Variants in PXDC1 observed in about 807,000 individuals in gnomAD.
PXDC1 encodes PX domain-containing protein 1.
A neutral mutation model predicts 24.4 loss-of-function variants in PXDC1; 13 were observed. That is an observed-to-expected ratio of 0.53 (90% CI 0.35 to 0.85). The LOEUF (loss-of-function observed/expected upper bound fraction) is 0.85. Ranked by LOEUF, PXDC1 falls within the 40% of genes least tolerant of loss-of-function variation. The pLI, the probability that PXDC1 is intolerant of heterozygous loss-of-function variation, is 0.01. For missense variants in PXDC1, 344 were observed against 309.3 expected, an observed-to-expected ratio of 1.11 and a Z score of -0.84; for synonymous variants, 162 against 124.9, an observed-to-expected ratio of 1.30 and a Z score of -1.98.
chr6:3,723,318 T>C lies in PXDC1; in HGVS notation c.*301A>G. ...GTGAGAGCGAGCCCCACAGGAACTG[T>C]CCCTGCCCTGGCAGTGCGCAGCCCT... is the stretch of plus-strand genomic sequence containing the variant. On this transcript the variant is annotated 3_prime_UTR_variant, in exon 5 of 5. Transcript: ENST00000380283. The C allele has an allele frequency of 2.5e-6, 1 of 397,188 alleles. No individual in the cohort carries two copies. Among genetic ancestry groups the C allele is most frequent in the Non-Finnish European group, 4.6e-6 (1 of 217,096 alleles). The allele number at this position is 397,188 out of a possible 1,614,324, so 24.6% of individuals were successfully genotyped here.
chr6:3,731,116 C>T (rs1376666402), intron 3 of PXDC1, among the ~76,000 whole-genome samples: 1 of 152,158 alleles, frequency 6.6e-6, no homozygotes, highest in Admixed American at 6.5e-5. Flanking sequence ...TGGGCTACCC[C>T]TATTTAGTAA....
At chr6:3,738,551 C>T (rs1287025228) in intron 1 of PXDC1, among the ~76,000 whole-genome samples, 1 of 152,216 alleles carries the variant, frequency 6.6e-6, no homozygotes, top group East Asian at 1.9e-4. Flanking sequence ...CCCCCAGTGA[C>T]ACAGGGAAGG....
intron 1 of PXDC1, 126 bp from the exon 2 acceptor site, chr6:3,738,274 C>T: frequency 1.3e-6 from 1 of 746,646 alleles, no homozygotes; most frequent in Non-Finnish European, 2.3e-6. Flanking sequence ...CGGGAACATT[C>T]ATTCAGCCTT....
At chr6:3,733,512 G>A (rs1224654024) in intron 3 of PXDC1, among the ~76,000 whole-genome samples, 2 of 152,154 alleles carry the variant, frequency 1.3e-5, no homozygotes, top group East Asian at 1.9e-4. Context: ...AGTGAGGGGC[G>A]AGCTAGACCG....
At chr6:3,734,015 G>A (rs1760260629) in intron 3 of PXDC1, among the ~76,000 whole-genome samples, 1 of 152,162 alleles carries the variant, frequency 6.6e-6, no homozygotes, top group South Asian at 2.1e-4. Context: ...CAGGACCCCT[G>A]CCTTCCTAGA....
intron 1 of PXDC1, among the ~76,000 whole-genome samples, chr6:3,750,524 A>G (rs1581255147): frequency 6.6e-6 from 1 of 151,168 alleles, no homozygotes; most frequent in South Asian, 2.1e-4. Context: ...CCCGGCTTCC[A>G]CCCCCTCAGC....
intron 3 of PXDC1, among the ~76,000 whole-genome samples, chr6:3,733,155 G>A (rs911912020): frequency 2.0e-5 from 3 of 152,198 alleles, no homozygotes; most frequent in African/African-American, 4.8e-5. Flanking sequence ...AGAGGTCAGA[G>A]CTTTGGGATG....
intron 1 of PXDC1, among the ~76,000 whole-genome samples, chr6:3,744,984 G>A (rs1191021287): frequency 1.3e-5 from 2 of 152,236 alleles, no homozygotes; most frequent in Non-Finnish European, 2.9e-5. Context: ...ACAGGCGTGA[G>A]CCACCGCGGC....
chr6:3,724,640 T>C lies in PXDC1; in HGVS notation c.579-904A>G, dbSNP rs527705975. 3.7e-4 allele frequency among the ~76,000 whole-genome samples: 56 copies of C among 152,194 alleles called. No individual in the cohort carries two copies. The highest frequency in any genetic ancestry group is 6.0e-4 in the Non-Finnish European group (41 of 67,998). On this transcript the variant is annotated intron_variant, in intron 4 of 4. Transcript: ENST00000380283. This position sits in a 1 kb window ranked among gnomAD's most constrained non-coding sequence, Gnocchi z 4.5. ...GAGGCAAGCAGCTGCCCCGCCCTCC[T>C]GGGAGCCACCTCGGGGCTGCCTCCT...
rs115702233 is a variant in PXDC1 at position 3,739,998 on chromosome 6, C to T, written c.257-1850G>A. Among the ~76,000 whole-genome samples, 1,420 of 152,236 alleles carry T rather than the reference C, an allele frequency of 9.3e-3. 28 individuals are homozygous for T. Among genetic ancestry groups the T allele is most frequent in the African/African-American group, 0.033 (1,359 of 41,542 alleles). On this transcript the variant is annotated intron_variant, in intron 1 of 4. Transcript: ENST00000380283. ...CACAAAGTGCTTCTTTATTCTAAGA[C>T]AAGCAAAACTACTGTTATATTTCAA...
chr6:3,746,242 CG>C (rs990795788), intron 1 of PXDC1, among the ~76,000 whole-genome samples: 6 of 151,936 alleles, frequency 3.9e-5, no homozygotes, highest in African/African-American at 9.7e-5. Context: ...TGAGATCTGT[CG>C]GGGGGGCAGC....
intron 1 of PXDC1, among the ~76,000 whole-genome samples, chr6:3,742,440 G>C (rs912546619): frequency 4.6e-5 from 7 of 152,188 alleles, no homozygotes; most frequent in African/African-American, 1.7e-4. Flanking sequence ...TGTCCGACTT[G>C]GTTTCACTGC....
At chr6:3,750,509 G>A (rs928943801) in intron 1 of PXDC1, among the ~76,000 whole-genome samples, 1 of 151,920 alleles carries the variant, frequency 6.6e-6, no homozygotes, top group Non-Finnish European at 1.5e-5. Flanking sequence ...TCTCTCTTGC[G>A]TCCTCCCGGC....
intron 3 of PXDC1, 147 bp downstream of exon 3, chr6:3,736,932 A>C: frequency 1.5e-6 from 1 of 674,484 alleles, no homozygotes; most frequent in Non-Finnish European, 2.7e-6. Context: ...ATCAGGCAAC[A>C]GTCTCTCCCT....
intron 3 of PXDC1, among the ~76,000 whole-genome samples, chr6:3,729,065 TC>T (rs1180986218): frequency 6.6e-6 from 1 of 152,048 alleles, no homozygotes; most frequent in Non-Finnish European, 1.5e-5. Flanking sequence ...GCCCTCCCTC[TC>T]CCCTGGCACA....
intron 1 of PXDC1, among the ~76,000 whole-genome samples, chr6:3,741,211 G>A (rs1760442317): frequency 6.6e-6 from 1 of 152,250 alleles, no homozygotes; most frequent in African/African-American, 2.4e-5. Flanking sequence ...AAACTGCTGA[G>A]CCACACTGGT....
Position 3,738,148 on chromosome 6 carries a change from C to T in PXDC1, c.257G>A (p.Gly86Glu), listed in dbSNP as rs1760370755. ...GTGGGCTTCCTTTATGGCAACCAGT[C>T]CTAGAATTGAGACAGAAATGCTCAA... ...SELAQGPLRQ[G>E]LVAIKEAHDI... Residue 86 changes from glycine to glutamate, a missense_variant and splice_region_variant, in exon 2 of 5, where the codon GGA (glycine) becomes GAA (glutamate). Coordinates refer to ENST00000380283, the MANE Select transcript of PXDC1 (RefSeq NM_183373.4). The T allele has an allele frequency of 6.2e-7, 1 of 1,612,684 alleles. No homozygotes were observed. The highest frequency in any genetic ancestry group is 8.5e-7 in the Non-Finnish European group (1 of 1,178,702).
At chr6:3,750,360 C>A (rs185738151) in intron 1 of PXDC1, among the ~76,000 whole-genome samples, 2 of 152,312 alleles carry the variant, frequency 1.3e-5, no homozygotes, top group African/African-American at 4.8e-5. Context: ...TACAGGTGGT[C>A]ACCCATGGAG....
chr6:3,742,193 T>C (rs969673769), intron 1 of PXDC1, among the ~76,000 whole-genome samples: 5 of 152,228 alleles, frequency 3.3e-5, no homozygotes, highest in African/African-American at 1.2e-4. Flanking sequence ...AGCAAACTAT[T>C]GAGTGCATCT....
Sources: allele counts gnomAD v4.1 joint callset (sites outside exome capture counted in the v4.1 genomes callset), GRCh38; gene constraint gnomAD v4.1.1; non-coding constraint Gnocchi (gnomAD v3.1); transcripts MANE v1.5; gene names NCBI Gene and HGNC (gene_info 2026-07-23, HGNC 2026-07-21).